The following CYB5R2 variants were observed in gnomAD, a reference collection of about 807,000 sequenced individuals.
CYB5R2 encodes the protein NADH-cytochrome b5 reductase 2.
A neutral mutation model predicts 29.8 loss-of-function variants in CYB5R2; 35 were observed. That is an observed-to-expected ratio of 1.17 (90% CI 0.90 to 1.56). The LOEUF is 1.56. Among genes scored for constraint, CYB5R2 ranks in the 40% most tolerant of loss-of-function variants. The pLI is 0.00. For synonymous variants in CYB5R2, 169 were observed against 130.6 expected (o/e 1.29, Z -2.01); for missense variants, 419 against 346.7 (o/e 1.21, Z -1.66).
chr11:7,673,776 C>T, upstream of CYB5R2: 1 of 987,366 alleles, frequency 1.0e-6, no homozygotes, highest in Non-Finnish European at 1.2e-6. Context: ...CGCTCCCCGC[C>T]GCGGGCCCGC....
At position 7,669,318 on chromosome 11, in the gene CYB5R2, A is replaced by G. The variant is rs765005001; in HGVS notation, c.275T>C (p.Val92Ala). ...CCCACCTTCAGGATATTGGGGGTGT[A>G]CATTTTTGAAGTAGATCTGAAAAGC... is the stretch of plus-strand genomic sequence containing the variant. ...DLIIKIYFKN[V>A]HPQYPEGGKM... Residue 92 changes from valine (V) to alanine (A), a missense_variant, in exon 5 of 9, where the codon GTA (valine) becomes GCA (alanine). Coordinates refer to ENST00000299498, the MANE Select transcript of CYB5R2 (RefSeq NM_016229.5). 7.5e-5 allele frequency: 121 copies of G among 1,612,310 alleles called. 3 individuals are homozygous for G. In the South Asian group the frequency reaches 1.3e-3, roughly 17 times the overall value.
intron 1 of CYB5R2, 84 bp downstream of exon 1, chr11:7,673,335 C>G (rs1030403280): frequency 6.8e-6 from 7 of 1,025,970 alleles, no homozygotes; most frequent in Non-Finnish European, 8.2e-6. Flanking sequence ...CCTGGGGACT[C>G]CCCAACAGTC....
rs563198235 is a variant in CYB5R2, at chr11:7,672,704, C to T, written c.78+44G>A. 3.7e-6 allele frequency: 6 copies of T among 1,611,746 alleles called. No individual in the cohort carries two copies. The African/African-American group carries it at 6.7e-5, about 18-fold the overall frequency. ...TGTCTGGATGCCCTGCCATCCCAGC[C>T]ATCATCCACTTACTGCCTTCCACCC... On this transcript the variant is annotated intron_variant, in intron 2 of 8. Transcript: ENST00000299498.
chr11:7,666,408 G>A (rs186263416), intron 8 of CYB5R2, 43 bp downstream of exon 8: 2 of 1,295,438 alleles, frequency 1.5e-6, no homozygotes, highest in Middle Eastern at 2.4e-4. Flanking sequence ...GTGGTCAAGG[G>A]TTGGTGCTGA....
At position 7,668,539 on chromosome 11, in the gene CYB5R2, G is replaced by T; in HGVS notation, c.411C>A (p.Asp137Glu). ...HGPGNLGIRP[D>E]QTSEPKKTLA... is the part of the protein sequence containing the mutation. ...GTGTTTTTTTAGGCTCACTCGTCTG[G>T]TCTGGTCTGATTCCAAGATTCCCTG... is the stretch of plus-strand genomic sequence containing the variant. The change falls in exon 6 of 9, where the codon GAC becomes GAA. Residue 137 changes from aspartate to glutamate, a missense_variant. Asp to Glu is a conservative substitution (Grantham distance 45). Coordinates refer to ENST00000299498, the MANE Select transcript of CYB5R2 (RefSeq NM_016229.5). The T allele has an allele frequency of 1.2e-6, 2 of 1,613,938 alleles. No individual in the cohort carries two copies. The highest frequency in any genetic ancestry group is 1.3e-5 in the African/African-American group (1 of 74,990).
intron 6 of CYB5R2, 126 bp from the exon 7 acceptor site, chr11:7,667,939 T>G (rs1855429576): frequency 1.3e-6 from 1 of 767,756 alleles, no homozygotes; most frequent in African/African-American, 1.7e-5. Flanking sequence ...TCCCCAAAAC[T>G]CAAAGCAGGA....
In CYB5R2 at chr11:7,672,760, C is replaced by T; in HGVS notation, c.66G>A (p.Leu22=). ...QDPEAKYPLP[L]IEKEKISHNT... is the part of the protein sequence containing the mutation. ...GCTGACCCATTACCTCTTTCTCAAT[C>T]AAGGGCAGCGGGTACTTGGCTTCAG... The change falls in exon 2 of 9, where the codon TTG becomes TTA. Residue 22 remains leucine (L), a synonymous_variant. Coordinates refer to ENST00000299498, the MANE Select transcript of CYB5R2 (RefSeq NM_016229.5). The T allele has an allele frequency of 6.2e-7, 1 of 1,614,214 alleles. No individual in the cohort carries two copies. The highest frequency in any genetic ancestry group is 8.5e-7 in the Non-Finnish European group (1 of 1,180,038).
In CYB5R2 at chr11:7,665,349, C is replaced by T; in HGVS notation, c.*25G>A. 6.8e-7 allele frequency: 1 copy of T among 1,480,512 alleles called. No homozygotes were observed. The highest frequency in any genetic ancestry group is 9.0e-7 in the Non-Finnish European group (1 of 1,110,634). 91.7% of individuals were successfully genotyped at this position (1,480,512 alleles called of 1,614,324 possible). A position where few individuals can be genotyped will look rare whatever the true frequency, so the allele number is the denominator to read the frequency against. ...TCTGAAACAGATGAAAAGGGACATG[C>T]AAAATTGCTGAGCACGTGGAGGTGT... On this transcript the variant is annotated 3_prime_UTR_variant, in exon 9 of 9. Transcript: ENST00000299498.
chr11:7,665,353 A>T lies in CYB5R2; in HGVS notation c.*21T>A, dbSNP rs1128627. ...AAACAGATGAAAAGGGACATGCAAA[A>T]TTGCTGAGCACGTGGAGGTGTTAGT... is the stretch of plus-strand genomic sequence containing the variant. On this transcript the variant is annotated 3_prime_UTR_variant, in exon 9 of 9. Coordinates refer to ENST00000299498, the MANE Select transcript of CYB5R2 (RefSeq NM_016229.5). 0.4 allele frequency: 598,047 copies of T among 1,483,134 alleles called. 127,371 individuals carry two copies. Among genetic ancestry groups the T allele is most frequent in the Non-Finnish European group, 0.44 (482,387 of 1,108,444 alleles). 91.9% of individuals were successfully genotyped at this position (1,483,134 alleles called of 1,614,324 possible).
At chr11:7,671,456 C>A (rs931611344) in intron 3 of CYB5R2, 2 of 152,292 alleles carry the variant, frequency 1.3e-5, no homozygotes, top group African/African-American at 4.8e-5. Context: ...AAGGCAGTTT[C>A]TAAGCAATTC....
chr11:7,674,169 G>C (rs564903673), upstream of CYB5R2: 28 of 1,238,938 alleles, frequency 2.3e-5, no homozygotes, highest in African/African-American at 2.8e-4. Context: ...GGGGATGCTG[G>C]GGAAGGAAGA....
rs1297133402 is a variant in CYB5R2 at position 7,668,379 on chromosome 11, C to T, written c.472+99G>A. On this transcript the variant is annotated intron_variant, in intron 6 of 8. Coordinates refer to ENST00000299498, the MANE Select transcript of CYB5R2 (RefSeq NM_016229.5). Reference sequence around the variant, plus strand: ...CGTTCCCACCTTCTACAGCTGGAGGCGAAATCTCTCATGTTGTCCCTTAGA... The same window carrying T: ...CGTTCCCACCTTCTACAGCTGGAGGTGAAATCTCTCATGTTGTCCCTTAGA... 63 of 949,176 alleles carry T rather than the reference C, an allele frequency of 6.6e-5. 1 individual carries two copies. The Admixed American group carries it at 9.3e-4, about 14-fold the overall frequency. The allele number at this position is 949,176 out of a possible 1,614,324, so 58.8% of individuals were successfully genotyped here.
chr11:7,666,132 T>TA, intron 8 of CYB5R2: 1 of 609,352 alleles, frequency 1.6e-6, no homozygotes, highest in Non-Finnish European at 2.9e-6. Context: ...TCAGTGCCCA[T>TA]ATTAGATGTG....
At chr11:7,673,925 G>C, upstream of CYB5R2, 1 of 1,001,156 alleles carries the variant, frequency 1.0e-6, no homozygotes. Flanking sequence ...CCCCGAGAAG[G>C]GCCGTGGTCG....
intron 6 of CYB5R2, 43 bp downstream of exon 6, chr11:7,668,435 C>A: frequency 6.8e-7 from 1 of 1,469,356 alleles, no homozygotes; most frequent in African/African-American, 1.4e-5. Context: ...CAGAATGGGT[C>A]TCGGGGCTCA....
rs756239047 is a variant in CYB5R2, at chr11:7,672,816, T to G, written c.10A>C (p.Arg4=). The change falls in exon 2 of 9, where the codon AGG becomes CGG. Residue 4 remains arginine, a synonymous_variant. Coordinates refer to ENST00000299498, the MANE Select transcript of CYB5R2 (RefSeq NM_016229.5). Reference sequence around the variant, plus strand: ...TGTAAGGTGATTGGCTCTCTCCTCCTGGAGTTCATGCTCTTCAGGACCAAC... The same window carrying G: ...TGTAAGGTGATTGGCTCTCTCCTCCGGGAGTTCATGCTCTTCAGGACCAAC... MNS[R]RREPITLQDP... The G allele has an allele frequency of 6.2e-7, 1 of 1,614,138 alleles. No homozygotes were observed. Among genetic ancestry groups the G allele is most frequent in the Non-Finnish European group, 8.5e-7 (1 of 1,180,004 alleles).
intron 3 of CYB5R2, chr11:7,670,857 C>A (rs115310809): frequency 6.6e-6 from 1 of 152,354 alleles, no homozygotes; most frequent in African/African-American, 2.4e-5. Flanking sequence ...CCTTGACTAA[C>A]TTCCTGTATG....
At chr11:7,674,000 T>C, upstream of CYB5R2, 1 of 1,148,494 alleles carries the variant, frequency 8.7e-7, no homozygotes, top group Non-Finnish European at 1.1e-6. Flanking sequence ...CGCTCCATCA[T>C]GAGGCTGGCG....
intron 4 of CYB5R2, 43 bp downstream of exon 4, chr11:7,669,582 G>T (rs571289166): frequency 6.8e-7 from 1 of 1,481,334 alleles, no homozygotes; most frequent in African/African-American, 1.4e-5. Flanking sequence ...CCCTCAGTAG[G>T]CTTGGAAGCA....
Sources: gnomAD v4.1 joint callset for allele counts on GRCh38, gnomAD v4.1.1 for gene constraint, MANE v1.5 for transcripts, NCBI Gene and HGNC (gene_info 2026-07-23, HGNC 2026-07-21) for gene names.